Variants in BRINP3 observed in about 807,000 individuals in gnomAD.
BRINP3 encodes BMP/retinoic acid inducible neural specific 3.
BRINP3 carries 19 observed loss-of-function variants against 71.0 expected under a neutral mutation model. That is an observed-to-expected ratio of 0.27 (90% CI 0.19 to 0.39). The LOEUF is 0.39. BRINP3 is among the 10% of genes least tolerant of loss of function. The pLI is 1.00. For missense variants in BRINP3, 959 were observed against 940.8 expected (o/e 1.02, Z -0.25); for synonymous variants, 380 against 337.7 (o/e 1.13, Z -1.37).
intron 2 of BRINP3, among the ~76,000 whole-genome samples, chr1:190,420,800 A>G (rs1273791242): frequency 1.3e-5 from 2 of 151,926 alleles, no homozygotes; most frequent in Non-Finnish European, 2.9e-5. Flanking sequence ...GGGAATGACA[A>G]AAACAGCTTA....
At chr1:190,166,097 A>G (rs72729138) in intron 6 of BRINP3, among the ~76,000 whole-genome samples, 12,093 of 152,268 alleles carry the variant, frequency 0.079, 619 homozygotes, top group East Asian at 0.11. Flanking sequence ...GCCACACATC[A>G]ATGTAAGTCT....
intron 6 of BRINP3, among the ~76,000 whole-genome samples, chr1:190,205,839 C>A (rs938264364): frequency 6.6e-6 from 1 of 152,000 alleles, no homozygotes; most frequent in Non-Finnish European, 1.5e-5. Flanking sequence ...CAAAGATAAA[C>A]CCCATAATAG....
intron 6 of BRINP3, among the ~76,000 whole-genome samples, chr1:190,179,986 C>T (rs569937607): frequency 1.1e-4 from 16 of 152,214 alleles, no homozygotes; most frequent in African/African-American, 1.7e-4. Flanking sequence ...AATGAGTTCA[C>T]GTGGTATTCC....
At chr1:190,347,586 T>C (rs1668107901) in intron 2 of BRINP3, among the ~76,000 whole-genome samples, 1 of 152,166 alleles carries the variant, frequency 6.6e-6, no homozygotes, top group Admixed American at 6.6e-5. Context: ...ATGCATTCAG[T>C]AAATACTTGC....
intron 7 of BRINP3, among the ~76,000 whole-genome samples, chr1:190,136,086 G>A (rs1036236487): frequency 1.3e-5 from 2 of 152,008 alleles, no homozygotes. Context: ...AGAGGCACAT[G>A]CCCTGGTTTC....
intron 2 of BRINP3, among the ~76,000 whole-genome samples, chr1:190,360,274 T>C (rs1431220461): frequency 1.3e-5 from 2 of 152,320 alleles, no homozygotes; most frequent in Admixed American, 6.5e-5. Context: ...AGAAACTGCA[T>C]AATTATTGTC....
chr1:190,472,971 TTAAGA>T (rs1473418613), intron 1 of BRINP3, among the ~76,000 whole-genome samples: 14 of 151,864 alleles, frequency 9.2e-5, no homozygotes, highest in Admixed American at 2.0e-4. Flanking sequence ...GATGAATTTC[TTAAGA>T]TAAGATATCC....
intron 3 of BRINP3, among the ~76,000 whole-genome samples, chr1:190,279,751 T>C (rs1364243546): frequency 6.6e-6 from 1 of 151,944 alleles, no homozygotes; most frequent in African/African-American, 2.4e-5. Context: ...ACTTGGGTAC[T>C]GATTCTCATC....
chr1:190,217,083 A>C (rs920887667), intron 6 of BRINP3: 1 of 151,960 alleles, frequency 6.6e-6, no homozygotes. Context: ...GCCTGTAGAT[A>C]AGAATAGACA....
intron 7 of BRINP3, among the ~76,000 whole-genome samples, chr1:190,158,477 G>A (rs1657056988): frequency 6.6e-6 from 1 of 152,102 alleles, no homozygotes; most frequent in African/African-American, 2.4e-5. Context: ...GAGAGAAAGT[G>A]AGGGGGCCAA....
chr1:190,299,419 C>CAT (rs1437577984), intron 2 of BRINP3, among the ~76,000 whole-genome samples: 1 of 150,578 alleles, frequency 6.6e-6, no homozygotes, highest in Non-Finnish European at 1.5e-5. Flanking sequence ...TTTCCTAAAA[C>CAT]ATATATATAT....
intron 6 of BRINP3, among the ~76,000 whole-genome samples, chr1:190,202,002 G>T (rs1417978196): frequency 2.0e-5 from 3 of 152,150 alleles, no homozygotes; most frequent in Non-Finnish European, 4.4e-5. Context: ...GCTGTGAGAA[G>T]AGGGCCACCA....
intron 7 of BRINP3, among the ~76,000 whole-genome samples, chr1:190,127,253 C>A (rs1259114640): frequency 6.6e-6 from 1 of 151,652 alleles, no homozygotes; most frequent in South Asian, 2.1e-4. Flanking sequence ...TTTGAAACTG[C>A]ACGTTAATAC....
intron 7 of BRINP3, among the ~76,000 whole-genome samples, chr1:190,160,166 T>C (rs559228186): frequency 6.6e-6 from 1 of 152,186 alleles, no homozygotes; most frequent in East Asian, 1.9e-4. Flanking sequence ...ATTTAATTGT[T>C]GTCATCATTC....
chr1:190,369,186 T>C (rs1669698361), intron 2 of BRINP3, among the ~76,000 whole-genome samples: 2 of 152,190 alleles, frequency 1.3e-5, no homozygotes, highest in Non-Finnish European at 2.9e-5. Flanking sequence ...GTGTTTAATA[T>C]ACTGAGATTA....
At chr1:190,275,135 A>G (rs907513091) in intron 3 of BRINP3, among the ~76,000 whole-genome samples, 1 of 151,654 alleles carries the variant, frequency 6.6e-6, no homozygotes, top group African/African-American at 2.4e-5. Context: ...TAACATGAAA[A>G]TAAAGGAACT....
At chr1:190,174,444 A>G (rs560490045) in intron 6 of BRINP3, among the ~76,000 whole-genome samples, 31 of 152,294 alleles carry the variant, frequency 2.0e-4, no homozygotes, top group African/African-American at 7.0e-4. Context: ...GTACACACAT[A>G]CACACATGTA....
At chr1:190,258,319 C>A (rs1558118032) in intron 4 of BRINP3, among the ~76,000 whole-genome samples, 1 of 152,160 alleles carries the variant, frequency 6.6e-6, no homozygotes, top group Admixed American at 6.5e-5. Flanking sequence ...TCTGGTGTGT[C>A]ATTTGCTAAG....
intron 4 of BRINP3, among the ~76,000 whole-genome samples, chr1:190,264,059 T>G (rs1661432413): frequency 6.6e-6 from 1 of 152,194 alleles, no homozygotes; most frequent in South Asian, 2.1e-4. Context: ...TAGGCTAGGA[T>G]CATACTCTTC....
Sources: allele counts gnomAD v4.1 joint callset (sites outside exome capture counted in the v4.1 genomes callset), GRCh38; gene constraint gnomAD v4.1.1; transcripts MANE v1.5; gene names NCBI Gene and HGNC (gene_info 2026-07-23, HGNC 2026-07-21).